WRN: variants seen among roughly 807,000 people sequenced by gnomAD.
WRN encodes bifunctional 3'-5' exonuclease/ATP-dependent helicase WRN.
WRN carries 149 observed loss-of-function variants against 180.7 expected under a neutral mutation model. That is an observed-to-expected ratio of 0.82 (90% confidence interval 0.72 to 0.94). The LOEUF is 0.94. WRN is among the 40% of genes least tolerant of loss of function. The probability of loss-of-function intolerance (pLI) is 0.00; values close to 1 mark genes in which losing one functional copy is unlikely to be tolerated. For missense variants in WRN, 1,661 were observed against 1,700.1 expected (o/e 0.98, Z 0.40); for synonymous variants, 548 against 568.9 (o/e 0.96, Z 0.52).
intron 1 of WRN, among the ~76,000 whole-genome samples, chr8:31,048,882 T>G (rs1196854969): frequency 1.3e-5 from 2 of 152,158 alleles, no homozygotes; most frequent in African/African-American, 4.8e-5. Flanking sequence ...AACTTATCCT[T>G]GAAATCTCTT....
chr8:31,103,234 T>TA (rs1800949634), intron 18 of WRN, among the ~76,000 whole-genome samples: 1 of 152,132 alleles, frequency 6.6e-6, no homozygotes, highest in African/African-American at 2.4e-5. Flanking sequence ...CAGTTAACTT[T>TA]AAAAAATGAA....
chr8:31,103,072 CA>C (rs1359970656), intron 18 of WRN, among the ~76,000 whole-genome samples: 2 of 152,050 alleles, frequency 1.3e-5, no homozygotes. Flanking sequence ...TAGACCTACA[CA>C]GGGTCAGGAT....
chr8:31,066,265 A>G (rs1023014872), intron 5 of WRN, among the ~76,000 whole-genome samples: 1 of 151,918 alleles, frequency 6.6e-6, no homozygotes, highest in Non-Finnish European at 1.5e-5. Context: ...GGCTCACTGA[A>G]ACCTCTGCCT....
chr8:31,082,936 T>G (rs1813377300), intron 9 of WRN, among the ~76,000 whole-genome samples: 1 of 152,236 alleles, frequency 6.6e-6, no homozygotes, highest in African/African-American at 2.4e-5. Context: ...TAAAAGAACT[T>G]TTAAAAAATA....
chr8:31,120,340 A>G lies in WRN; in HGVS notation c.2546A>G (p.Tyr849Cys). 1.9e-6 allele frequency: 3 copies of G among 1,613,040 alleles called. No individual in the cohort carries two copies. The highest frequency in any genetic ancestry group is 2.5e-6 in the Non-Finnish European group (3 of 1,179,178). ...GCTCCTAAGGACATGGAATCATATT[A>G]TCAGGAGATTGGTAGAGCTGGTCGT... is the stretch of plus-strand genomic sequence containing the variant. ...YGAPKDMESY[Y>C]QEIGRAGRDG... The change falls in exon 21 of 35, where the codon TAT (tyrosine) becomes TGT (cysteine). Residue 849 changes from tyrosine (Y) to cysteine (C), a missense_variant. Tyr to Cys is a radical substitution (Grantham distance 194). Coordinates refer to ENST00000298139, the MANE Select transcript of WRN (RefSeq NM_000553.6).
rs1585436633 is a variant in WRN, at chr8:31,087,777, C to A, written c.1433C>A (p.Ser478Tyr). The change falls in exon 12 of 35, where the codon TCT (serine) becomes TAT (tyrosine). Residue 478 changes from serine (S) to tyrosine (Y), a missense_variant and splice_region_variant. Transcript: ENST00000298139. ...TTAAGATTTCTTTTAAACTTTCAGTCTTTAGAAAACCTCAATAGTGGCACG... is the reference window on the plus strand; with the variant it reads ...TTAAGATTTCTTTTAAACTTTCAGTATTTAGAAAACCTCAATAGTGGCACG... Reference protein sequence around the residue: ...DEDLEMEMLKSLENLNSGTVE... With the variant: ...DEDLEMEMLKYLENLNSGTVE... The A allele has an allele frequency of 6.2e-7, 1 of 1,613,124 alleles. No individual in the cohort carries two copies.
intron 1 of WRN, among the ~76,000 whole-genome samples, chr8:31,034,326 G>C (rs1811361109): frequency 6.6e-6 from 1 of 152,202 alleles, no homozygotes; most frequent in Admixed American, 6.5e-5. Context: ...ATAACCTGCT[G>C]TCTATGATTT....
intron 1 of WRN, among the ~76,000 whole-genome samples, chr8:31,045,621 C>T (rs1009026018): frequency 2.6e-5 from 4 of 152,044 alleles, no homozygotes; most frequent in Admixed American, 6.6e-5. Context: ...AGGCTGGTCT[C>T]GAACTCCTGA....
intron 18 of WRN, among the ~76,000 whole-genome samples, 153 bp downstream of exon 18, chr8:31,101,108 G>T (rs1324020253): frequency 1.3e-5 from 2 of 152,160 alleles, no homozygotes; most frequent in Admixed American, 6.5e-5. Flanking sequence ...GCTAAAGTTG[G>T]TATATAATCT....
Position 31,043,456 on chromosome 8 carries a change from T to G in WRN, c.-77+9483T>G, listed in dbSNP as rs1695382352. ...GTCAGTTCCATCCATAAAACTTTGC[T>G]GTTACACATTTTGGGATGGGGTGAG... On this transcript the variant is annotated intron_variant, in intron 1 of 34. Transcript: ENST00000298139. Among the ~76,000 whole-genome samples, 4 of 152,310 alleles carry G rather than the reference T, an allele frequency of 2.6e-5. No homozygotes were observed. In the South Asian group the frequency reaches 8.3e-4, roughly 32 times the overall value.
chr8:31,135,826 T>TCTC (rs1363074233), intron 24 of WRN, among the ~76,000 whole-genome samples: 3 of 152,154 alleles, frequency 2.0e-5, no homozygotes, highest in African/African-American at 4.8e-5. Flanking sequence ...TTCTCTCTTC[T>TCTC]TTTTCTTTTT....
At chr8:31,070,929 C>T (rs1812890385) in intron 7 of WRN, among the ~76,000 whole-genome samples, 1 of 151,784 alleles carries the variant, frequency 6.6e-6, no homozygotes, top group Admixed American at 6.6e-5. Flanking sequence ...ACCTGTAATC[C>T]CAGCTTCTTG....
chr8:31,136,236 G>T (rs182622169), intron 24 of WRN, among the ~76,000 whole-genome samples: 1 of 152,236 alleles, frequency 6.6e-6, no homozygotes, highest in East Asian at 1.9e-4. Flanking sequence ...CAAGTGATCC[G>T]CCCACCTTGG....
chr8:31,073,528 T>C (rs890299013), intron 7 of WRN, among the ~76,000 whole-genome samples: 3 of 129,754 alleles, frequency 2.3e-5, no homozygotes, highest in African/African-American at 9.5e-5. Context: ...CCAAGAGATA[T>C]CAATATTTGG....
At chr8:31,102,191 C>T (rs907437549) in intron 18 of WRN, among the ~76,000 whole-genome samples, 1 of 152,210 alleles carries the variant, frequency 6.6e-6, no homozygotes, top group Non-Finnish European at 1.5e-5. Flanking sequence ...CACAAAGCTC[C>T]CTGGAGCTGT....
At chr8:31,119,016 T>C (rs1458004396) in intron 20 of WRN, among the ~76,000 whole-genome samples, 1 of 152,036 alleles carries the variant, frequency 6.6e-6, no homozygotes, top group Non-Finnish European at 1.5e-5. Flanking sequence ...AGAATTATTA[T>C]TGTGTTGCTT....
intron 33 of WRN, 57 bp from the exon 34 acceptor site, chr8:31,166,964 GT>G: frequency 6.6e-7 from 1 of 1,509,742 alleles, no homozygotes. Flanking sequence ...TAGCTCATAG[GT>G]TTTCTAAAAT....
intron 17 of WRN, among the ~76,000 whole-genome samples, chr8:31,099,974 G>T (rs1258729600): frequency 2.0e-5 from 3 of 152,068 alleles, no homozygotes; most frequent in African/African-American, 7.2e-5. Context: ...TCTGCATCTG[G>T]GCAGTCTGAC....
intron 1 of WRN, among the ~76,000 whole-genome samples, chr8:31,034,718 G>A (rs532115880): frequency 6.6e-6 from 1 of 152,290 alleles, no homozygotes; most frequent in African/African-American, 2.4e-5. Context: ...GTTGCCTTGG[G>A]GAGTGCTCCT....
Sources: allele counts gnomAD v4.1 joint callset (sites outside exome capture counted in the v4.1 genomes callset), GRCh38; gene constraint gnomAD v4.1.1; transcripts MANE v1.5; gene names NCBI Gene and HGNC (gene_info 2026-07-23, HGNC 2026-07-21).